CD3D: variants seen among roughly 807,000 people sequenced by gnomAD.
CD3D encodes the protein CD3 delta subunit of T-cell receptor complex, also known as T-cell surface glycoprotein CD3 delta chain.
A neutral mutation model predicts 22.0 loss-of-function variants in CD3D; 22 were observed. The observed-to-expected ratio is 1.00, with a 90% CI of 0.71 to 1.43. CD3D has a LOEUF of 1.43. Among genes scored for constraint, CD3D ranks in the 40% most tolerant of loss-of-function variants. The pLI is 0.00. For missense variants in CD3D, 205 were observed against 211.7 expected (o/e 0.97, Z 0.20); for synonymous variants, 74 against 81.2 (o/e 0.91, Z 0.48).
chr11:118,341,050 A>G (rs1303882939), intron 1 of CD3D: 1 of 432,238 alleles, frequency 2.3e-6, no homozygotes, highest in Non-Finnish European at 4.7e-6. Context: ...TCAGCTTCTT[A>G]TCCTCATCCT....
At chr11:118,340,056 C>T (rs1948286316) in intron 2 of CD3D, 150 bp from the exon 3 acceptor site, 3 of 882,390 alleles carry the variant, frequency 3.4e-6, no homozygotes, top group Non-Finnish European at 3.7e-6. Flanking sequence ...GGGCTTGCCA[C>T]ACCTTCCTCC....
At chr11:118,342,132 A>AC (rs1450492212) in intron 1 of CD3D, among the ~76,000 whole-genome samples, 2 of 149,450 alleles carry the variant, frequency 1.3e-5, no homozygotes, top group Non-Finnish European at 3.0e-5. Flanking sequence ...CCCTCCTGAC[A>AC]CCCCTGGGGT....
Position 118,339,433 on chromosome 11 carries a change from C to T in CD3D, c.450+18G>A. 6.2e-7 allele frequency: 1 copy of T among 1,613,832 alleles called. No homozygotes were observed. The highest frequency in any genetic ancestry group is 8.5e-7 in the Non-Finnish European group (1 of 1,179,750). On this transcript the variant is annotated intron_variant, in intron 4 of 4. Transcript: ENST00000300692. ...CTTACCCTCCCTTCATTCCTGCCTC[C>T]TTCCCCTCAACGCTCACCTGATAGA...
In CD3D at chr11:118,340,523, T is replaced by C. The variant is rs1948290662; in HGVS notation, c.126A>G (p.Thr42=). The C allele has an allele frequency of 6.2e-7, 1 of 1,614,132 alleles. No individual in the cohort carries two copies. Among genetic ancestry groups the C allele is most frequent in the African/African-American group, 1.3e-5 (1 of 75,028 alleles). ...GTGTTCCCACCGTTCCCTCTACCCA[T>C]GTGATGCTGGTATTGCAATTCACAA... ...RVFVNCNTSI[T]WVEGTVGTLL... is the part of the protein sequence containing the mutation. The change falls in exon 2 of 5, where the codon ACA becomes ACG. Residue 42 remains threonine, a synonymous_variant. Transcript: ENST00000300692.
chr11:118,340,510 T>C lies in CD3D; in HGVS notation c.139A>G (p.Thr47Ala). Residue 47 changes from threonine (T) to alanine (A), a missense_variant, in exon 2 of 5, where the codon ACG (threonine) becomes GCG (alanine). Coordinates refer to ENST00000300692, the MANE Select transcript of CD3D (RefSeq NM_000732.6). The part of the protein sequence containing the change: ...CNTSITWVEG[T>A]VGTLLSDITR... Reference sequence around the variant, plus strand: ...ATGTCTGAGAGCAGTGTTCCCACCGTTCCCTCTACCCATGTGATGCTGGTA... The same window carrying C: ...ATGTCTGAGAGCAGTGTTCCCACCGCTCCCTCTACCCATGTGATGCTGGTA... 6.2e-7 allele frequency: 1 copy of C among 1,614,098 alleles called. No individual in the cohort carries two copies. The highest frequency in any genetic ancestry group is 8.5e-7 in the Non-Finnish European group (1 of 1,179,988).
At chr11:118,339,540 G>C (rs1565517534) in intron 3 of CD3D, 46 bp from the exon 4 acceptor site, 1 of 1,610,074 alleles carries the variant, frequency 6.2e-7, no homozygotes, top group East Asian at 2.2e-5. Flanking sequence ...AGATGGGACT[G>C]TGAGATCCAC....
In CD3D at chr11:118,340,537, T is replaced by C. The variant is rs1346172061; in HGVS notation, c.112A>G (p.Asn38Asp). 1.2e-6 allele frequency: 2 copies of C among 1,614,110 alleles called. No homozygotes were observed. The highest frequency in any genetic ancestry group is 1.7e-5 in the Admixed American group (1 of 60,000). ...ELEDRVFVNCNTSITWVEGTV... is the reference protein window; with the variant it reads ...ELEDRVFVNCDTSITWVEGTV... Reference sequence around the variant, plus strand: ...CCCTCTACCCATGTGATGCTGGTATTGCAATTCACAAACACTCTGTCCTCA... The same window carrying C: ...CCCTCTACCCATGTGATGCTGGTATCGCAATTCACAAACACTCTGTCCTCA... Residue 38 changes from asparagine to aspartate, a missense_variant, in exon 2 of 5, where the codon AAT becomes GAT. Transcript: ENST00000300692.
chr11:118,342,445 A>G, intron 1 of CD3D, 108 bp downstream of exon 1: 1 of 973,188 alleles, frequency 1.0e-6, no homozygotes, highest in Non-Finnish European at 1.7e-6. Context: ...CTCTGGGATT[A>G]CTGGTGTGAG....
chr11:118,341,258 A>C (rs1277874205), intron 1 of CD3D, among the ~76,000 whole-genome samples: 1 of 152,168 alleles, frequency 6.6e-6, no homozygotes, highest in Non-Finnish European at 1.5e-5. Flanking sequence ...GGAGAACAGG[A>C]AAAAAATTTT....
At chr11:118,339,532 A>T (rs747808798) in intron 3 of CD3D, 38 bp from the exon 4 acceptor site, 1 of 1,613,326 alleles carries the variant, frequency 6.2e-7, no homozygotes, top group Admixed American at 1.7e-5. Flanking sequence ...GGCCTAGCAG[A>T]TGGGACTGTG....
chr11:118,339,485 G>A lies in CD3D; in HGVS notation c.416C>T (p.Thr139Ile), dbSNP rs527584796. ...ETGRLSGAAD[T>I]QALLRNDQVY... ...CTGGTCATTCCTCAACAGAGCTTGTGTGTCGGCAGCTAGAAGAACCAGAGA... is the reference window on the plus strand; with the variant it reads ...CTGGTCATTCCTCAACAGAGCTTGTATGTCGGCAGCTAGAAGAACCAGAGA... Residue 139 changes from threonine (T) to isoleucine (I), a missense_variant, in exon 4 of 5, where the codon ACA becomes ATA. Thr to Ile is a moderately conservative substitution (Grantham distance 89, BLOSUM62 -1). Coordinates refer to ENST00000300692, the MANE Select transcript of CD3D (RefSeq NM_000732.6). 211 of 1,614,104 alleles carry A rather than the reference G, an allele frequency of 1.3e-4. No homozygotes were observed. Among genetic ancestry groups the A allele is most frequent in the Non-Finnish European group, 1.7e-4 (200 of 1,180,010 alleles).
intron 4 of CD3D, 75 bp from the exon 5 acceptor site, chr11:118,339,302 C>T (rs559767797): frequency 4.8e-4 from 737 of 1,519,678 alleles, no homozygotes; most frequent in Non-Finnish European, 6.0e-4. Context: ...CAGGCCCTGA[C>T]GATGAGAGCT....
downstream of CD3D, chr11:118,339,074 C>A: frequency 8.3e-7 from 1 of 1,211,476 alleles, no homozygotes; most frequent in Non-Finnish European, 1.2e-6. Flanking sequence ...CAGGCACCTG[C>A]TGAGTGAAAG....
intron 1 of CD3D, among the ~76,000 whole-genome samples, chr11:118,341,831 T>G (rs1171711994): frequency 1.3e-5 from 2 of 152,206 alleles, no homozygotes; most frequent in African/African-American, 4.8e-5. Flanking sequence ...TAAAGTTAAC[T>G]TCTCTTAAAG....
At chr11:118,339,279 G>C in intron 4 of CD3D, 52 bp from the exon 5 acceptor site, 3 of 1,571,970 alleles carry the variant, frequency 1.9e-6, no homozygotes, top group Non-Finnish European at 2.6e-6. Flanking sequence ...AACTCTTCAA[G>C]GAAGGGCCCC....
chr11:118,342,632 A>C lies in CD3D; in HGVS notation c.-25T>G, dbSNP rs775855743. 3.0e-5 allele frequency: 49 copies of C among 1,610,508 alleles called. No individual in the cohort carries two copies. Among genetic ancestry groups the C allele is most frequent in the Non-Finnish European group, 4.2e-5 (49 of 1,176,942 alleles). On this transcript the variant is annotated 5_prime_UTR_variant, in exon 1 of 5. Coordinates refer to ENST00000300692, the MANE Select transcript of CD3D (RefSeq NM_000732.6). Reference sequence around the variant, plus strand: ...TCTCCCAGCGGAACTCATCCAGTAGATAAAGCCAGGTCACCGAACTATCAG... The same window carrying C: ...TCTCCCAGCGGAACTCATCCAGTAGCTAAAGCCAGGTCACCGAACTATCAG...
intron 2 of CD3D, 85 bp from the exon 3 acceptor site, chr11:118,339,991 T>A: frequency 6.4e-7 from 1 of 1,554,640 alleles, no homozygotes; most frequent in Non-Finnish European, 8.9e-7. Context: ...AACCCTTAGA[T>A]CTCTTATGCC....
intron 1 of CD3D, among the ~76,000 whole-genome samples, chr11:118,341,807 C>T (rs1463387415): frequency 3.3e-5 from 5 of 152,188 alleles, no homozygotes; most frequent in South Asian, 2.1e-4. Flanking sequence ...ATCTTCCCTC[C>T]GTCCTGCTCA....
chr11:118,340,383 T>A lies in CD3D; in HGVS notation c.266A>T (p.His89Leu), dbSNP rs199636212. 1.2e-6 allele frequency: 2 copies of A among 1,613,212 alleles called. No homozygotes were observed. Among genetic ancestry groups the A allele is most frequent in the Non-Finnish European group, 8.5e-7 (1 of 1,179,128 alleles). ...GTTCAGGAAGCACGTACTTCGATAA[T>A]GAACTTGCACGGTAGATTCTTTGTC... is the stretch of plus-strand genomic sequence containing the variant. The part of the protein sequence containing the change: ...YKDKESTVQV[H>L]YRMCQSCVEL... Residue 89 changes from histidine (H) to leucine (L), a missense_variant, in exon 2 of 5, where the codon CAT becomes CTT. Coordinates refer to ENST00000300692, the MANE Select transcript of CD3D (RefSeq NM_000732.6).
Sources: gnomAD v4.1 joint callset for allele counts (sites outside exome capture counted in the v4.1 genomes callset) on GRCh38, gnomAD v4.1.1 for gene constraint, MANE v1.5 for transcripts, NCBI Gene and HGNC (gene_info 2026-07-23, HGNC 2026-07-21) for gene names.